Variants in EZR observed in about 807,000 individuals in gnomAD.
EZR encodes the protein cytovillin 2.
EZR carries 40 observed loss-of-function variants against 74.8 expected under a neutral mutation model. The ratio of observed to expected loss-of-function variants is 0.53; its 90% CI spans 0.42 to 0.70. The LOEUF (loss-of-function observed/expected upper bound fraction) is 0.70. Among genes scored for constraint, EZR ranks in the 30% least tolerant of loss-of-function variants. The pLI is 0.00. For synonymous variants in EZR, 341 were observed against 283.3 expected (o/e 1.20, Z -2.05); for missense variants, 678 against 755.8 (o/e 0.90, Z 1.21).
Position 158,789,317 on chromosome 6 carries a change from T to A in EZR, c.67A>T (p.Asn23Tyr). The A allele has an allele frequency of 6.2e-7, 1 of 1,614,222 alleles. No homozygotes were observed. The highest frequency in any genetic ancestry group is 8.5e-7 in the Non-Finnish European group (1 of 1,180,014). ...TCAAAAAGCTGTTTTCCAGTTGTAT[T>A]TGGCTGGATTGCAAACTCCAGCTCT... ...DAELEFAIQP[N>Y]TTGKQLFDQV... The change falls in exon 3 of 14, where the codon AAT becomes TAT. Residue 23 changes from asparagine to tyrosine, a missense_variant. Transcript: ENST00000367075.
At position 158,767,415 on chromosome 6, in the gene EZR, A is replaced by T. The variant is rs1583551548; in HGVS notation, c.1442T>A (p.Val481Glu). ...PPPPPPVYEP[V>E]SYHVQESLQD... ...CAAGCTCTCCTGGACATGGTAGCTC[A>T]CCGGCTCGTACACGGGGGGTGGTGG... Residue 481 changes from valine (V) to glutamate (E), a missense_variant, in exon 13 of 14, where the codon GTG becomes GAG. Around this residue, in one of 3 missense-constraint regions of EZR, gnomAD observed 342 missense variants for 341.2 expected, o/e 1.00. Coordinates refer to ENST00000367075, the MANE Select transcript of EZR (RefSeq NM_001111077.2). 7.5e-7 allele frequency: 1 copy of T among 1,327,350 alleles called. No individual in the cohort carries two copies. Among genetic ancestry groups the T allele is most frequent in the Admixed American group, 1.9e-5 (1 of 52,344 alleles). The allele number at this position is 1,327,350 out of a possible 1,614,324, so 82.2% of individuals were successfully genotyped here. A position where few individuals can be genotyped will look rare whatever the true frequency, so the allele number is the denominator to read the frequency against.
intron 2 of EZR, among the ~76,000 whole-genome samples, chr6:158,811,492 T>A (rs1219769662): frequency 6.6e-6 from 1 of 152,162 alleles, no homozygotes; most frequent in African/African-American, 2.4e-5. Flanking sequence ...GTTAAAAAAA[T>A]TAAGAAAAAA....
At chr6:158,782,066 G>A (rs531266606) in intron 7 of EZR, among the ~76,000 whole-genome samples, 1 of 152,236 alleles carries the variant, frequency 6.6e-6, no homozygotes, top group East Asian at 1.9e-4. Context: ...GCTTTTCCGT[G>A]CTTCTTTACC....
intron 7 of EZR, among the ~76,000 whole-genome samples, chr6:158,777,951 T>C (rs1791327006): frequency 6.6e-6 from 1 of 152,116 alleles, no homozygotes; most frequent in Non-Finnish European, 1.5e-5. Flanking sequence ...AGACATGCAA[T>C]GAGTTTGTTC....
intron 7 of EZR, 132 bp from the exon 8 acceptor site, chr6:158,776,636 T>C: frequency 1.5e-6 from 1 of 653,416 alleles, no homozygotes; most frequent in Non-Finnish European, 2.6e-6. Flanking sequence ...GCACAATGTG[T>C]TATATGCTAT....
intron 2 of EZR, among the ~76,000 whole-genome samples, chr6:158,791,706 A>ATTTTTTTT (rs57581855): frequency 0.28 from 26,491 of 95,386 alleles, 5,214 homozygotes; most frequent in Non-Finnish European, 0.35. Flanking sequence ...TTCAGACTCC[A>ATTTTTTTT]TTTTTTTTTT....
Position 158,766,946 on chromosome 6 carries a change from T to A in EZR, c.1729A>T (p.Lys577Ter). The change falls in exon 14 of 14, where the codon AAG (lysine) becomes TAG (stop). Residue 577 changes from lysine to a stop codon, truncating the protein, a stop_gained. Coordinates refer to ENST00000367075, the MANE Select transcript of EZR (RefSeq NM_001111077.2). LOFTEE classifies it high-confidence loss of function. ...TLRQIRQGNT[K>*]QRIDEFEAL ...GCCTCGAACTCGTCGATGCGCTGCT[T>A]GGTGTTGCCCTGCCGGATCTGCCGC... The A allele has an allele frequency of 6.2e-7, 1 of 1,614,154 alleles. No individual in the cohort carries two copies. The highest frequency in any genetic ancestry group is 8.5e-7 in the Non-Finnish European group (1 of 1,180,016).
chr6:158,807,310 G>A (rs1179792844), intron 2 of EZR, among the ~76,000 whole-genome samples: 4 of 78,770 alleles, frequency 5.1e-5, no homozygotes, highest in Admixed American at 1.1e-4. Context: ...CAGAGACTCC[G>A]TCTCAAAAAA....
At position 158,769,822 on chromosome 6, in the gene EZR, T is replaced by G; in HGVS notation, c.1213A>C (p.Arg405=). The change falls in exon 11 of 14, where the codon AGA becomes CGA. Residue 405 remains arginine, a synonymous_variant. Coordinates refer to ENST00000367075, the MANE Select transcript of EZR (RefSeq NM_001111077.2). ...AALRAKEELE[R]QAVDQIKSQE... is the part of the protein sequence containing the mutation. ...CTCTTTATCTGATCCACCGCCTGTC[T>G]CTCCAGCTCCTCCTTAGCCCGCAGT... The G allele has an allele frequency of 6.2e-7, 1 of 1,614,060 alleles. No individual in the cohort carries two copies. Among genetic ancestry groups the G allele is most frequent in the South Asian group, 1.1e-5 (1 of 91,084 alleles).
At chr6:158,810,975 G>C (rs1777440321) in intron 2 of EZR, among the ~76,000 whole-genome samples, 1 of 152,126 alleles carries the variant, frequency 6.6e-6, no homozygotes, top group Non-Finnish European at 1.5e-5. Context: ...CAGTAAATTA[G>C]CTATGAAATT....
intron 4 of EZR, among the ~76,000 whole-genome samples, chr6:158,786,034 G>C (rs1791571702): frequency 6.6e-6 from 1 of 151,866 alleles, no homozygotes; most frequent in African/African-American, 2.4e-5. Flanking sequence ...CTGGGTGACA[G>C]AGCAAGACCC....
Position 158,766,845 on chromosome 6 carries a change from G to C in EZR, c.*69C>G. ...GAGTTCCTAGACTTGGAGCACTAAA[G>C]ACACAAGCGTGGCGGGGCTGGCAGC... On this transcript the variant is annotated 3_prime_UTR_variant, in exon 14 of 14. Coordinates refer to ENST00000367075, the MANE Select transcript of EZR (RefSeq NM_001111077.2). The C allele has an allele frequency of 6.8e-7, 1 of 1,464,072 alleles. No individual in the cohort carries two copies. Among genetic ancestry groups the C allele is most frequent in the Non-Finnish European group, 9.4e-7 (1 of 1,060,794 alleles). The allele number at this position is 1,464,072 out of a possible 1,614,324, so 90.7% of individuals were successfully genotyped here. A position where few individuals can be genotyped will look rare whatever the true frequency, so the allele number is the denominator to read the frequency against.
At chr6:158,781,485 C>T (rs113441451) in intron 7 of EZR, among the ~76,000 whole-genome samples, 371 of 152,310 alleles carry the variant, frequency 2.4e-3, no homozygotes, top group African/African-American at 8.4e-3. Context: ...AAGAAATGGA[C>T]ACTTACGTGG....
At chr6:158,775,663 G>A (rs185092484) in intron 8 of EZR, among the ~76,000 whole-genome samples, 33 of 152,270 alleles carry the variant, frequency 2.2e-4, no homozygotes, top group African/African-American at 7.7e-4. Context: ...TTCTTCAGGT[G>A]GCAATTTTTT....
chr6:158,810,227 G>A (rs1324339214), intron 2 of EZR, among the ~76,000 whole-genome samples: 1 of 152,152 alleles, frequency 6.6e-6, no homozygotes, highest in Non-Finnish European at 1.5e-5. Flanking sequence ...ATAACTTAAT[G>A]AAGTTTTACA....
intron 3 of EZR, 89 bp from the exon 4 acceptor site, chr6:158,787,292 C>T: frequency 9.8e-7 from 1 of 1,024,478 alleles, no homozygotes; most frequent in South Asian, 1.4e-5. Context: ...CATGGTCTAG[C>T]AGAGTCCCCA....
chr6:158,799,210 CATGT>C (rs1322828898), intron 2 of EZR, among the ~76,000 whole-genome samples: 1 of 152,024 alleles, frequency 6.6e-6, no homozygotes, highest in African/African-American at 2.4e-5. Context: ...CAAACTTGAA[CATGT>C]GAAAAAAAAT....
chr6:158,808,392 T>TC (rs765885084), intron 2 of EZR, among the ~76,000 whole-genome samples: 22 of 152,220 alleles, frequency 1.4e-4, no homozygotes, highest in Non-Finnish European at 2.6e-4. Flanking sequence ...CCTGATGCTA[T>TC]CCCTGTTGAA....
At chr6:158,815,615 G>A (rs564247039) in intron 2 of EZR, among the ~76,000 whole-genome samples, 26 of 152,282 alleles carry the variant, frequency 1.7e-4, no homozygotes, top group African/African-American at 6.0e-4. Context: ...CAGAGCGCCA[G>A]CCACCACACC....
Sources: gnomAD v4.1 joint callset for allele counts (sites outside exome capture counted in the v4.1 genomes callset) on GRCh38, gnomAD v4.1.1 for gene constraint, gnomAD v4.1.1 regional missense constraint, MANE v1.5 for transcripts, NCBI Gene and HGNC (gene_info 2026-07-23, HGNC 2026-07-21) for gene names.